CRYZ: variants seen among roughly 807,000 people sequenced by gnomAD.
CRYZ encodes the protein crystallin zeta.
Under a neutral mutation model 34.1 loss-of-function variants are expected in CRYZ, and 35 were observed. That is an observed-to-expected ratio of 1.03 (90% CI 0.78 to 1.36). The LOEUF is 1.36. Ranked by LOEUF, CRYZ falls within the 40% of genes most tolerant of loss-of-function variation. The probability of loss-of-function intolerance (pLI) is 0.00; values close to 1 mark genes in which losing one functional copy is unlikely to be tolerated. For missense variants in CRYZ, 403 were observed against 391.8 expected (o/e 1.03, Z -0.24); for synonymous variants, 137 against 136.5 (o/e 1.00, Z -0.03).
chr1:74,717,396 G>A (rs1647092315), intron 4 of CRYZ, among the ~76,000 whole-genome samples: 1 of 152,068 alleles, frequency 6.6e-6, no homozygotes, highest in Non-Finnish European at 1.5e-5. Flanking sequence ...CTATTGAAAA[G>A]GAACTGACTA....
intron 5 of CRYZ, among the ~76,000 whole-genome samples, chr1:74,713,075 C>T (rs1423847540): frequency 6.6e-6 from 1 of 152,022 alleles, no homozygotes; most frequent in Non-Finnish European, 1.5e-5. Context: ...AGGCAAAACC[C>T]AGTACTGTTT....
intron 3 of CRYZ, 44 bp downstream of exon 3, chr1:74,723,074 T>C: frequency 6.3e-7 from 1 of 1,576,926 alleles, no homozygotes; most frequent in Non-Finnish European, 8.7e-7. Flanking sequence ...AATATTTTTA[T>C]GAAATAAATT....
At chr1:74,709,535 G>A (rs1285354255) in intron 6 of CRYZ, among the ~76,000 whole-genome samples, 1 of 152,200 alleles carries the variant, frequency 6.6e-6, no homozygotes, top group Non-Finnish European at 1.5e-5. Flanking sequence ...GATTAGCAAA[G>A]CAATAAGTGT....
At chr1:74,728,336 G>GA (rs1414204825) in intron 1 of CRYZ, among the ~76,000 whole-genome samples, 2 of 152,056 alleles carry the variant, frequency 1.3e-5, no homozygotes, top group African/African-American at 4.8e-5. Flanking sequence ...AAATAACCTA[G>GA]AAAAAAGCAA....
intron 1 of CRYZ, among the ~76,000 whole-genome samples, chr1:74,728,663 G>C (rs1356957315): frequency 4.6e-5 from 7 of 152,180 alleles, no homozygotes. Context: ...TCCACATACA[G>C]CAGCTGGGGC....
At chr1:74,712,714 T>G (rs1169231816) in intron 5 of CRYZ, among the ~76,000 whole-genome samples, 1 of 152,186 alleles carries the variant, frequency 6.6e-6, no homozygotes, top group African/African-American at 2.4e-5. Context: ...TCTATTTTAA[T>G]TTTCAAATTT....
intron 1 of CRYZ, among the ~76,000 whole-genome samples, chr1:74,731,336 A>G (rs760648129): frequency 1.1e-4 from 17 of 152,240 alleles, no homozygotes; most frequent in Non-Finnish European, 2.2e-4. Context: ...AGAGCAAAGG[A>G]ACATTATGAG....
At chr1:74,731,556 G>A (rs758429583) in intron 1 of CRYZ, among the ~76,000 whole-genome samples, 1 of 152,190 alleles carries the variant, frequency 6.6e-6, no homozygotes, top group Non-Finnish European at 1.5e-5. Context: ...GATCTTATCA[G>A]GTCACTTCTG....
At chr1:74,710,430 T>C (rs1227696385) in intron 5 of CRYZ, among the ~76,000 whole-genome samples, 183 bp from the exon 6 acceptor site, 2 of 152,204 alleles carry the variant, frequency 1.3e-5, no homozygotes, top group Non-Finnish European at 2.9e-5. Context: ...CCAGGAACCA[T>C]ACTAAATAAT....
At chr1:74,720,942 A>G (rs1449420965) in intron 3 of CRYZ, among the ~76,000 whole-genome samples, 1 of 152,194 alleles carries the variant, frequency 6.6e-6, no homozygotes, top group Non-Finnish European at 1.5e-5. Flanking sequence ...GAAGATAGGT[A>G]CAAGAAAAAG....
chr1:74,714,210 C>T (rs140885680), intron 5 of CRYZ, among the ~76,000 whole-genome samples: 41 of 152,136 alleles, frequency 2.7e-4, no homozygotes, highest in South Asian at 6.2e-4. Flanking sequence ...GCCTTAGTTT[C>T]CTTATCTAAG....
rs113552883 is a variant in CRYZ, at chr1:74,725,119, G to A, written c.-13-285C>T. 7.7e-3 allele frequency among the ~76,000 whole-genome samples: 1,177 copies of A among 152,196 alleles called. 20 individuals are homozygous for A. Among genetic ancestry groups the A allele is most frequent in the African/African-American group, 0.027 (1,103 of 41,528 alleles). On this transcript the variant is annotated intron_variant, in intron 1 of 8. Transcript: ENST00000340866. ...AGACATAGCATGATACCATATTTAG[G>A]TTTTCTTGCTTGAGTTGCAATACCT...
At chr1:74,730,737 A>G (rs1353445570) in intron 1 of CRYZ, among the ~76,000 whole-genome samples, 13 of 152,170 alleles carry the variant, frequency 8.5e-5, no homozygotes. Flanking sequence ...TTTCTTTACC[A>G]TCCTTTTCAT....
chr1:74,710,080 A>G lies in CRYZ; in HGVS notation c.630+18T>C. ...AAGGAACAAAGTTTGACTTTTGTAA[A>G]ACAGTGGAAAATTTTACCTTAATTT... On this transcript the variant is annotated intron_variant, in intron 6 of 8. Transcript: ENST00000340866. The G allele has an allele frequency of 6.2e-7, 1 of 1,608,030 alleles. No homozygotes were observed. Among genetic ancestry groups the G allele is most frequent in the Non-Finnish European group, 8.5e-7 (1 of 1,176,290 alleles).
Position 74,714,635 on chromosome 1 carries a change from A to G in CRYZ, c.429-5T>C. 2 of 1,613,556 alleles carry G rather than the reference A, an allele frequency of 1.2e-6. No individual in the cohort carries two copies. The highest frequency in any genetic ancestry group is 1.7e-6 in the Non-Finnish European group (2 of 1,179,602). On this transcript the variant is annotated splice_polypyrimidine_tract_variant and splice_region_variant and intron_variant, in intron 4 of 8. Transcript: ENST00000340866. ...TCTCCAGCTTTCACACAGGCACTGC[A>G]AAGGAAAGCATAAGTTACATCACCT...
chr1:74,706,147 T>C lies in CRYZ; in HGVS notation c.*149A>G. On this transcript the variant is annotated 3_prime_UTR_variant, in exon 9 of 9. Transcript: ENST00000340866. ...GCTAGCTATACAATAAATTTTACTC[T>C]TCTGCTTCTGCTCTCTAAAGAAAAA... is the stretch of plus-strand genomic sequence containing the variant. The C allele has an allele frequency of 1.6e-6, 1 of 614,490 alleles. No individual in the cohort carries two copies. 38.1% of individuals were successfully genotyped at this position (614,490 alleles called of 1,614,324 possible).
intron 1 of CRYZ, among the ~76,000 whole-genome samples, chr1:74,726,311 T>C (rs1170549932): frequency 6.6e-6 from 1 of 152,214 alleles, no homozygotes; most frequent in Non-Finnish European, 1.5e-5. Flanking sequence ...CTCTGAAATC[T>C]AGGTGGAAGT....
intron 2 of CRYZ, among the ~76,000 whole-genome samples, 189 bp from the exon 3 acceptor site, chr1:74,723,459 T>C: frequency 6.6e-6 from 1 of 152,238 alleles, no homozygotes. Context: ...GAATGGCTTA[T>C]GTACTGCATT....
chr1:74,717,898 C>T (rs1647099052), intron 4 of CRYZ, among the ~76,000 whole-genome samples: 1 of 152,200 alleles, frequency 6.6e-6, no homozygotes, highest in African/African-American at 2.4e-5. Context: ...CTCCAGTGTT[C>T]TCACTCTCTG....
Sources: allele counts gnomAD v4.1 joint callset (sites outside exome capture counted in the v4.1 genomes callset), GRCh38; gene constraint gnomAD v4.1.1; transcripts MANE v1.5; gene names NCBI Gene and HGNC (gene_info 2026-07-23, HGNC 2026-07-21).